Variants in TMEM131 observed in about 807,000 individuals in gnomAD.
TMEM131 encodes 2610524E03Rik.
A neutral mutation model predicts 211.6 loss-of-function variants in TMEM131; 66 were observed. The observed-to-expected ratio is 0.31, with a 90% CI of 0.26 to 0.38. The LOEUF (loss-of-function observed/expected upper bound fraction) is 0.38. Ranked by LOEUF, TMEM131 falls within the 10% of genes least tolerant of loss-of-function variation. The probability of loss-of-function intolerance (pLI) is 1.00; values close to 1 mark genes in which losing one functional copy is unlikely to be tolerated. For missense variants in TMEM131, 2,036 were observed against 2,299.3 expected, an observed-to-expected ratio of 0.89 and a Z score of 2.34; for synonymous variants, 844 against 841.3, an observed-to-expected ratio of 1.00 and a Z score of -0.06.
At chr2:97,928,320 C>G (rs1265458352) in intron 1 of TMEM131, among the ~76,000 whole-genome samples, 1 of 149,122 alleles carries the variant, frequency 6.7e-6, no homozygotes, top group Non-Finnish European at 1.5e-5. Flanking sequence ...GCTAGGAGAT[C>G]AGGGGGAGAT....
Position 97,823,220 on chromosome 2 carries a change from C to T in TMEM131, c.1075-4499G>A, listed in dbSNP as rs762340869. On this transcript the variant is annotated intron_variant, in intron 11 of 40. Coordinates refer to ENST00000186436, the MANE Select transcript of TMEM131 (RefSeq NM_015348.2). ...CTAATTTCCCCCACCCAGAAGGAAA[C>T]AAGCAAAGAAATCTCCAAGGTACCA... 2.0e-5 allele frequency among the ~76,000 whole-genome samples: 3 copies of T among 152,046 alleles called. 1 individual carries two copies. In the South Asian group the frequency reaches 6.2e-4, roughly 32 times the overall value.
intron 2 of TMEM131, among the ~76,000 whole-genome samples, chr2:97,915,416 G>A (rs959151715): frequency 3.9e-5 from 6 of 152,096 alleles, no homozygotes; most frequent in African/African-American, 1.4e-4. Context: ...GATGTCCCAG[G>A]CTCAAAAGAT....
chr2:97,803,014 G>A (rs1273774937), intron 22 of TMEM131, among the ~76,000 whole-genome samples: 1 of 152,188 alleles, frequency 6.6e-6, no homozygotes, highest in Non-Finnish European at 1.5e-5. Context: ...TTTCTGTACT[G>A]AATATAGAAA....
At chr2:97,821,515 G>T (rs967380586) in intron 11 of TMEM131, among the ~76,000 whole-genome samples, 3 of 152,040 alleles carry the variant, frequency 2.0e-5, no homozygotes, top group African/African-American at 7.2e-5. Context: ...TCACTTTTTG[G>T]GTCTGCACTA....
rs958546596 is a variant in TMEM131, at chr2:97,797,016, C to A, written c.2871-30G>T. 5 of 1,600,670 alleles carry A rather than the reference C, an allele frequency of 3.1e-6. 1 individual carries two copies. The highest frequency in any genetic ancestry group is 2.6e-6 in the Non-Finnish European group (3 of 1,172,396). On this transcript the variant is annotated intron_variant, in intron 26 of 40. Transcript: ENST00000186436. The stretch of plus-strand genomic sequence containing the variant: ...GCAAGAATGAGAATTACAGATTTTT[C>A]TCTCATTAAATCTGCACAATCTTTT...
intron 11 of TMEM131, among the ~76,000 whole-genome samples, chr2:97,830,166 A>C (rs528159587): frequency 1.1e-3 from 168 of 151,038 alleles, no homozygotes; most frequent in Non-Finnish European, 1.9e-3. Context: ...ACCAAACCCA[A>C]ATTGTTAAAA....
intron 3 of TMEM131, among the ~76,000 whole-genome samples, chr2:97,907,766 G>C (rs971657212): frequency 1.3e-5 from 2 of 152,208 alleles, no homozygotes; most frequent in African/African-American, 4.8e-5. Context: ...AATCCATGAT[G>C]TGGGCTCCTT....
intron 1 of TMEM131, among the ~76,000 whole-genome samples, chr2:97,951,784 T>C (rs1001962369): frequency 6.6e-6 from 1 of 152,146 alleles, no homozygotes; most frequent in African/African-American, 2.4e-5. Flanking sequence ...TAACGTCCCC[T>C]AGCCAGTCCA....
intron 1 of TMEM131, among the ~76,000 whole-genome samples, chr2:97,969,335 A>T (rs149519906): frequency 1.9e-3 from 283 of 152,206 alleles, no homozygotes; most frequent in Admixed American, 4.9e-3. Context: ...TTTAATCACC[A>T]GTTTCTTCCA....
At chr2:97,854,905 T>TAC (rs1673774410) in intron 5 of TMEM131, among the ~76,000 whole-genome samples, 1 of 152,184 alleles carries the variant, frequency 6.6e-6, no homozygotes, top group Admixed American at 6.5e-5. Context: ...GACCACCCTA[T>TAC]TTAAAATGGT....
chr2:97,946,448 T>G (rs1287310877), intron 1 of TMEM131, among the ~76,000 whole-genome samples: 2 of 151,980 alleles, frequency 1.3e-5, no homozygotes, highest in African/African-American at 4.8e-5. Context: ...CTATAAACAT[T>G]AGAAGACTAA....
At chr2:97,853,568 T>C (rs1573462322) in intron 5 of TMEM131, among the ~76,000 whole-genome samples, 1 of 144,756 alleles carries the variant, frequency 6.9e-6, no homozygotes, top group South Asian at 2.2e-4. Flanking sequence ...ATTGTGCCAG[T>C]GCACTCCAGC....
At chr2:97,776,970 G>C (rs191014754) in intron 31 of TMEM131, among the ~76,000 whole-genome samples, 146 of 152,320 alleles carry the variant, frequency 9.6e-4, no homozygotes, top group African/African-American at 3.4e-3. Flanking sequence ...TATGGACAGA[G>C]AGTAAAATGG....
intron 4 of TMEM131, among the ~76,000 whole-genome samples, chr2:97,873,398 C>T (rs1185161269): frequency 3.9e-5 from 6 of 151,952 alleles, no homozygotes; most frequent in Non-Finnish European, 8.8e-5. Context: ...TCGAGCTCTG[C>T]TGAAGGTCAG....
chr2:97,894,081 T>C (rs1675499779), intron 3 of TMEM131, among the ~76,000 whole-genome samples: 1 of 152,218 alleles, frequency 6.6e-6, no homozygotes, highest in African/African-American at 2.4e-5. Context: ...GGGTCCAGTT[T>C]CAGTTTTCTG....
chr2:97,889,027 G>C (rs1559426535), intron 3 of TMEM131, among the ~76,000 whole-genome samples: 1 of 152,022 alleles, frequency 6.6e-6, no homozygotes, highest in Non-Finnish European at 1.5e-5. Context: ...GAAATATCCA[G>C]GATTTAGGAG....
chr2:97,947,498 C>T (rs1266660603), intron 1 of TMEM131, among the ~76,000 whole-genome samples: 1 of 151,968 alleles, frequency 6.6e-6, no homozygotes, highest in East Asian at 1.9e-4. Context: ...AAACCATTTA[C>T]AATTGCATCA....
chr2:97,863,870 A>G (rs1247568192), intron 4 of TMEM131, among the ~76,000 whole-genome samples: 4 of 152,230 alleles, frequency 2.6e-5, no homozygotes, highest in Non-Finnish European at 5.9e-5. Flanking sequence ...AATCCCAGTC[A>G]TGAGTATACA....
chr2:97,921,422 C>T (rs1401667017), intron 2 of TMEM131, among the ~76,000 whole-genome samples: 5 of 152,100 alleles, frequency 3.3e-5, no homozygotes, highest in Admixed American at 2.0e-4. Flanking sequence ...AATATCTTCA[C>T]GACCTTGGGA....
Sources: allele counts gnomAD v4.1 joint callset (sites outside exome capture counted in the v4.1 genomes callset), GRCh38; gene constraint gnomAD v4.1.1; transcripts MANE v1.5; gene names NCBI Gene and HGNC (gene_info 2026-07-23, HGNC 2026-07-21).